RBFOX1: variants seen among roughly 807,000 people sequenced by gnomAD.
RBFOX1 encodes RNA binding protein fox-1 homolog 1.
In RBFOX1, 8 loss-of-function variants were observed where a neutral mutation model predicts 57.7. The observed-to-expected ratio is 0.14, with a 90% CI of 0.08 to 0.25. RBFOX1 has a LOEUF of 0.25. Ranked by LOEUF, RBFOX1 falls within the 10% of genes least tolerant of loss-of-function variation. The pLI is 1.00. For missense variants in RBFOX1, 611 were observed against 548.5 expected, an observed-to-expected ratio of 1.11 and a Z score of -1.14; for synonymous variants, 326 against 222.4, an observed-to-expected ratio of 1.47 and a Z score of -4.15.
At chr16:5,489,238 C>T (rs535870878) in intron 2 of RBFOX1, among the ~76,000 whole-genome samples, 2 of 152,354 alleles carry the variant, frequency 1.3e-5, no homozygotes, top group East Asian at 3.9e-4. Flanking sequence ...TCATGCTTCC[C>T]TTGGCTGTGG....
chr16:6,481,965 G>C (rs941254794), intron 2 of RBFOX1, among the ~76,000 whole-genome samples: 3 of 152,106 alleles, frequency 2.0e-5, no homozygotes, highest in Admixed American at 6.6e-5. Flanking sequence ...TGACAAAGAT[G>C]GATGATGGTT....
At chr16:6,686,625 C>T (rs187353449) in intron 3 of RBFOX1, among the ~76,000 whole-genome samples, 5 of 152,250 alleles carry the variant, frequency 3.3e-5, no homozygotes, top group South Asian at 4.2e-4. Context: ...GAGCTTCCCC[C>T]GAAAGCACAG....
intron 4 of RBFOX1, among the ~76,000 whole-genome samples, chr16:7,165,065 C>A (rs1414970915): frequency 2.0e-5 from 3 of 152,172 alleles, no homozygotes; most frequent in Non-Finnish European, 4.4e-5. Flanking sequence ...GCTACTATTC[C>A]AAATTCCCAC....
intron 1 of RBFOX1, among the ~76,000 whole-genome samples, chr16:5,435,067 T>C (rs1252465152): frequency 1.3e-5 from 2 of 152,188 alleles, no homozygotes; most frequent in Admixed American, 1.3e-4. Flanking sequence ...AAGCAGTAAA[T>C]GATATTTGTT....
intron 11 of RBFOX1, among the ~76,000 whole-genome samples, chr16:7,651,783 C>T (rs1248334919): frequency 1.3e-5 from 2 of 152,152 alleles, no homozygotes; most frequent in African/African-American, 4.8e-5. Context: ...TCATGGTGGG[C>T]CTTTTGAGCC....
At chr16:5,979,952 G>T (rs1279621960) in intron 4 of RBFOX1, among the ~76,000 whole-genome samples, 1 of 152,130 alleles carries the variant, frequency 6.6e-6, no homozygotes, top group Non-Finnish European at 1.5e-5. Context: ...GGCAGAGCTG[G>T]GATTTGAACC....
chr16:5,640,666 A>C (rs2048833441), intron 3 of RBFOX1, among the ~76,000 whole-genome samples: 1 of 151,602 alleles, frequency 6.6e-6, no homozygotes, highest in African/African-American at 2.4e-5. Flanking sequence ...GCATACACAT[A>C]CATGCATACA....
chr16:7,006,534 C>T (rs1229633431), intron 3 of RBFOX1, among the ~76,000 whole-genome samples: 3 of 152,006 alleles, frequency 2.0e-5, no homozygotes, highest in Admixed American at 6.6e-5. Context: ...ACTGTAGCCT[C>T]GAACTCCTGG....
intron 5 of RBFOX1, among the ~76,000 whole-genome samples, chr16:7,520,187 G>C (rs2152234511): frequency 6.6e-6 from 1 of 152,172 alleles, no homozygotes; most frequent in South Asian, 2.1e-4. Context: ...GCCCGGCCTA[G>C]TTTTGAAGAT....
chr16:6,018,147 G>GA (rs1402948569), upstream of RBFOX1, among the ~76,000 whole-genome samples: 2 of 147,174 alleles, frequency 1.4e-5, no homozygotes, highest in Admixed American at 1.4e-4. Flanking sequence ...AATATTTGTG[G>GA]AAAAAAGAGG....
At chr16:7,331,907 C>T (rs1383169335) in intron 4 of RBFOX1, among the ~76,000 whole-genome samples, 2 of 152,118 alleles carry the variant, frequency 1.3e-5, no homozygotes, top group East Asian at 1.9e-4. Context: ...TATTTTCAAA[C>T]ACCAGAAAGA....
intron 3 of RBFOX1, among the ~76,000 whole-genome samples, chr16:6,986,378 T>C (rs1170862564): frequency 6.6e-6 from 1 of 151,950 alleles, no homozygotes; most frequent in Non-Finnish European, 1.5e-5. Flanking sequence ...TTCCTGTTTC[T>C]AGTAGAGACG....
chr16:7,028,474 C>G (rs1015661504), intron 3 of RBFOX1, among the ~76,000 whole-genome samples: 1 of 151,716 alleles, frequency 6.6e-6, no homozygotes, highest in African/African-American at 2.4e-5. Context: ...GTAATCCCAG[C>G]TCCTTGGGAG....
intron 2 of RBFOX1, among the ~76,000 whole-genome samples, chr16:6,517,564 A>C (rs369329788): frequency 2.6e-5 from 4 of 152,230 alleles, no homozygotes; most frequent in Admixed American, 1.3e-4. Context: ...ATTTATATTC[A>C]AGGAGAATTT....
At chr16:7,605,370 A>G (rs1019675005) in intron 9 of RBFOX1, among the ~76,000 whole-genome samples, 1 of 152,182 alleles carries the variant, frequency 6.6e-6, no homozygotes, top group African/African-American at 2.4e-5. Flanking sequence ...TCAGAATTTC[A>G]TGTTTCTTTC....
intron 4 of RBFOX1, among the ~76,000 whole-genome samples, chr16:7,359,269 G>T (rs556691504): frequency 6.6e-6 from 1 of 152,312 alleles, no homozygotes; most frequent in Admixed American, 6.5e-5. Flanking sequence ...CATAGGATAT[G>T]TAAAATAGTA....
At chr16:5,354,769 C>G (rs939287509) in intron 1 of RBFOX1, among the ~76,000 whole-genome samples, 3 of 152,202 alleles carry the variant, frequency 2.0e-5, no homozygotes, top group Non-Finnish European at 2.9e-5. Context: ...GGTACCAGGG[C>G]AGGCTGGAGG....
chr16:5,638,897 C>A (rs2048771932), intron 3 of RBFOX1, among the ~76,000 whole-genome samples: 1 of 152,184 alleles, frequency 6.6e-6, no homozygotes, highest in East Asian at 1.9e-4. Flanking sequence ...TGAGCAAACT[C>A]CTGTGTATCC....
At chr16:7,493,368 A>C (rs554749118) in intron 4 of RBFOX1, among the ~76,000 whole-genome samples, 10 of 152,226 alleles carry the variant, frequency 6.6e-5, no homozygotes, top group African/African-American at 2.2e-4. Flanking sequence ...TTCCCCTAGA[A>C]TCATTGCAAT....
Sources: allele counts gnomAD v4.1 joint callset (sites outside exome capture counted in the v4.1 genomes callset), GRCh38; gene constraint gnomAD v4.1.1; transcripts MANE v1.5; gene names NCBI Gene and HGNC (gene_info 2026-07-23, HGNC 2026-07-21).